KANSL1L: variants seen among roughly 807,000 people sequenced by gnomAD.
KANSL1L encodes the protein KAT8 regulatory NSL complex subunit 1-like protein.
Under a neutral mutation model 108.6 loss-of-function variants are expected in KANSL1L, and 25 were observed. The ratio of observed to expected loss-of-function variants is 0.23; its 90% CI spans 0.17 to 0.32. The LOEUF (loss-of-function observed/expected upper bound fraction) is 0.32. KANSL1L is among the 10% of genes least tolerant of loss of function. KANSL1L has a pLI of 1.00. For synonymous variants in KANSL1L, 405 were observed against 395.1 expected (o/e 1.03, Z -0.30); for missense variants, 1,137 against 1,125.7 (o/e 1.01, Z -0.14).
rs1559490377 is a variant in KANSL1L, at chr2:210,022,905, CCCATCTTTCCTACATTT to C, written c.*27_*43del. 7.4e-7 allele frequency: 1 copy of C among 1,357,928 alleles called. No individual in the cohort carries two copies. 84.1% of individuals were successfully genotyped at this position (1,357,928 alleles called of 1,614,324 possible). ...GATCCAGAACAGGGCTTTATTTCCT[CCCATCTTTCCTACATTT>C]ACATAGTTTTCTTAACCTGTTCCCT... On this transcript the variant is annotated 3_prime_UTR_variant, in exon 15 of 15. Transcript: ENST00000281772.
intron 5 of KANSL1L, among the ~76,000 whole-genome samples, chr2:210,090,573 T>C (rs1177872133): frequency 6.6e-6 from 1 of 152,228 alleles, no homozygotes; most frequent in African/African-American, 2.4e-5. Context: ...GGTCTCACTC[T>C]GTCACCAAGG....
At chr2:210,067,969 C>T (rs756122760) in intron 6 of KANSL1L, among the ~76,000 whole-genome samples, 1 of 152,018 alleles carries the variant, frequency 6.6e-6, no homozygotes, top group Non-Finnish European at 1.5e-5. Flanking sequence ...CCTCCGCCTC[C>T]TGGGTTCAAG....
At chr2:210,095,803 A>G (rs944420850) in intron 5 of KANSL1L, among the ~76,000 whole-genome samples, 1 of 152,170 alleles carries the variant, frequency 6.6e-6, no homozygotes, top group Non-Finnish European at 1.5e-5. Context: ...AAAAGTAGAG[A>G]AAGTATTACA....
intron 6 of KANSL1L, among the ~76,000 whole-genome samples, chr2:210,066,569 C>T (rs142843157): frequency 5.3e-5 from 8 of 152,292 alleles, no homozygotes; most frequent in African/African-American, 7.2e-5. Context: ...AAAACCTACA[C>T]GGTGTCACTT....
Position 210,040,312 on chromosome 2 carries a change from ATTTTC to A in KANSL1L, c.2029+103_2029+107del, listed in dbSNP as rs748997461. The A allele has an allele frequency of 2.6e-5, 17 of 662,252 alleles. No individual in the cohort carries two copies. The African/African-American group carries it at 3.0e-4, about 12-fold the overall frequency. 41.0% of individuals were successfully genotyped at this position (662,252 alleles called of 1,614,324 possible). A position where few individuals can be genotyped will look rare whatever the true frequency, so the allele number is the denominator to read the frequency against. On this transcript the variant is annotated intron_variant, in intron 8 of 14. Transcript: ENST00000281772. Reference sequence around the variant, plus strand: ...AAAAAGTGAGTATTAAAAATTAAGGATTTTCATGTATTCTTTTCTTAGATTTTATT... The same window carrying A: ...AAAAAGTGAGTATTAAAAATTAAGGAATGTATTCTTTTCTTAGATTTTATT...
chr2:210,121,893 C>G (rs1215843682), intron 3 of KANSL1L, among the ~76,000 whole-genome samples: 1 of 152,016 alleles, frequency 6.6e-6, no homozygotes, highest in African/African-American at 2.4e-5. Flanking sequence ...TATATGCCAA[C>G]AGCATACAAT....
At chr2:210,090,611 T>A (rs1372279598) in intron 5 of KANSL1L, among the ~76,000 whole-genome samples, 5 of 152,254 alleles carry the variant, frequency 3.3e-5, no homozygotes, top group Non-Finnish European at 7.4e-5. Flanking sequence ...TGATCATGGC[T>A]CACTGCAGCC....
chr2:210,056,497 T>C (rs1035450864), intron 6 of KANSL1L, among the ~76,000 whole-genome samples: 2 of 152,212 alleles, frequency 1.3e-5, no homozygotes, highest in Non-Finnish European at 2.9e-5. Context: ...ATATCTTTTT[T>C]TGAGACAGAG....
intron 6 of KANSL1L, among the ~76,000 whole-genome samples, chr2:210,054,839 A>G (rs972453023): frequency 7.9e-5 from 12 of 152,148 alleles, no homozygotes; most frequent in African/African-American, 2.9e-4. Flanking sequence ...AAAAGGAGAA[A>G]GAAGAAGAAG....
intron 6 of KANSL1L, among the ~76,000 whole-genome samples, chr2:210,055,428 G>C (rs1313954706): frequency 1.3e-5 from 2 of 152,180 alleles, no homozygotes; most frequent in Non-Finnish European, 2.9e-5. Context: ...TTGGAACTGG[G>C]TAACAGGAAG....
At chr2:210,113,697 T>C (rs948945337) in intron 3 of KANSL1L, among the ~76,000 whole-genome samples, 7 of 152,142 alleles carry the variant, frequency 4.6e-5, no homozygotes, top group African/African-American at 1.4e-4. Context: ...AAGAAAAAGA[T>C]GTTATGAACA....
At chr2:210,158,243 G>A (rs373095616) in intron 1 of KANSL1L, among the ~76,000 whole-genome samples, 7 of 152,056 alleles carry the variant, frequency 4.6e-5, no homozygotes, top group African/African-American at 1.7e-4. Flanking sequence ...GCTTCCATCT[G>A]GCCACCCTCT....
rs747777138 is a variant in KANSL1L, at chr2:210,029,785, A to G, written c.2271+18T>C. The G allele has an allele frequency of 3.1e-6, 4 of 1,275,590 alleles. No individual in the cohort carries two copies. Among genetic ancestry groups the G allele is most frequent in the African/African-American group, 1.5e-5 (1 of 67,496 alleles). 79.0% of individuals were successfully genotyped at this position (1,275,590 alleles called of 1,614,324 possible). ...ATTTTTAAAGCTATTTTAGAGTTCA[A>G]CATATGGAAAAACCTACTCGTGATG... On this transcript the variant is annotated intron_variant, in intron 10 of 14. Transcript: ENST00000281772.
chr2:210,084,858 C>T (rs6732486), intron 5 of KANSL1L, among the ~76,000 whole-genome samples: 13,215 of 152,172 alleles, frequency 0.087, 607 homozygotes, highest in Middle Eastern at 0.15. Context: ...GATCCACCCG[C>T]CTCGGCCTCC....
Position 210,076,906 on chromosome 2 carries a change from G to C in KANSL1L, c.1551-1150C>G, listed in dbSNP as rs1012268548. 3.3e-5 allele frequency among the ~76,000 whole-genome samples: 5 copies of C among 152,182 alleles called. No homozygotes were observed. In the South Asian group the frequency reaches 1.0e-3, roughly 32 times the overall value. ...TATTAACAAATGAATCTGCTATTAT[G>C]TGATACTGCTGTTCAATATATAAGT... On this transcript the variant is annotated intron_variant, in intron 5 of 14. Coordinates refer to ENST00000281772, the MANE Select transcript of KANSL1L (RefSeq NM_152519.4).
intron 10 of KANSL1L, 148 bp downstream of exon 10, chr2:210,029,655 A>G (rs2093987316): frequency 2.2e-6 from 1 of 449,502 alleles, no homozygotes; most frequent in Non-Finnish European, 3.9e-6. Context: ...TATGAATCAA[A>G]TATATTGTTT....
In KANSL1L at chr2:210,105,577, G is replaced by A. The variant is rs538588737; in HGVS notation, c.1231-1276C>T. ...CATCATGCATAAGTCTTATTTATAA[G>A]ATGGAAATTGCCTATAGATAATAAT... On this transcript the variant is annotated intron_variant, in intron 3 of 14. Transcript: ENST00000281772. 5.9e-5 allele frequency among the ~76,000 whole-genome samples: 9 copies of A among 151,632 alleles called. No individual in the cohort carries two copies. The South Asian group carries it at 1.9e-3, about 31-fold the overall frequency.
intron 6 of KANSL1L, among the ~76,000 whole-genome samples, chr2:210,061,719 A>T: frequency 6.6e-6 from 1 of 152,250 alleles, no homozygotes; most frequent in Non-Finnish European, 1.5e-5. Flanking sequence ...AAAGTGGCTT[A>T]GACAGCAAAA....
chr2:210,085,223 C>T (rs1024423052), intron 5 of KANSL1L, among the ~76,000 whole-genome samples: 2 of 151,948 alleles, frequency 1.3e-5, no homozygotes, highest in African/African-American at 2.4e-5. Flanking sequence ...TTTACAAATG[C>T]CTAGAAAAAG....
Sources: allele counts gnomAD v4.1 joint callset (sites outside exome capture counted in the v4.1 genomes callset), GRCh38; gene constraint gnomAD v4.1.1; transcripts MANE v1.5; gene names NCBI Gene and HGNC (gene_info 2026-07-23, HGNC 2026-07-21).